Variants in CCNI observed in about 807,000 individuals in gnomAD.
CCNI encodes the protein cyclin I.
A neutral mutation model predicts 34.1 loss-of-function variants in CCNI; 14 were observed. The observed-to-expected ratio is 0.41, with a 90% CI of 0.27 to 0.64. The LOEUF (loss-of-function observed/expected upper bound fraction) is 0.64, where lower values mean the gene tolerates loss of function less well. Among genes scored for constraint, CCNI ranks in the 30% least tolerant of loss-of-function variants. The pLI is 0.31. For missense variants in CCNI, 385 were observed against 440.5 expected, an observed-to-expected ratio of 0.87 and a Z score of 1.13; for synonymous variants, 154 against 158.4, an observed-to-expected ratio of 0.97 and a Z score of 0.21.
chr4:77,051,029 C>G (rs563117836), intron 6 of CCNI, among the ~76,000 whole-genome samples: 1 of 152,158 alleles, frequency 6.6e-6, no homozygotes. Flanking sequence ...ATAACCCACT[C>G]GCATTGTCCT....
chr4:77,071,044 C>T (rs1244784939), intron 1 of CCNI, among the ~76,000 whole-genome samples: 1 of 152,154 alleles, frequency 6.6e-6, no homozygotes, highest in Non-Finnish European at 1.5e-5. Context: ...CAAGCTATCC[C>T]AACAACCGAC....
In CCNI at chr4:77,075,642, G is replaced by GGCGCGCGGGCGC. The variant is rs1178271616; in HGVS notation, c.-215_-214insGCGCCCGCGCGC. 3 of 873,898 alleles carry GGCGCGCGGGCGC rather than the reference G, an allele frequency of 3.4e-6. No homozygotes were observed. In the East Asian group the frequency reaches 3.8e-4, roughly 110 times the overall value. The allele number at this position is 873,898 out of a possible 1,614,324, so 54.1% of individuals were successfully genotyped here. On this transcript the variant is annotated 5_prime_UTR_variant, in exon 1 of 7. Transcript: ENST00000237654. ...GAGGGAGAAAGGGGAAGCGGATCGG[G>GGCGCGCGGGCGC]GGGCGCGGGCGCGGGCGCTGGCGCT...
At chr4:77,052,943 C>T (rs1457097704) in intron 6 of CCNI, among the ~76,000 whole-genome samples, 2 of 152,204 alleles carry the variant, frequency 1.3e-5, no homozygotes, top group African/African-American at 4.8e-5. Context: ...CTTTTCTTCA[C>T]TAACTTCCCC....
chr4:77,072,638 TAAAAAA>T (rs61247567), intron 1 of CCNI, among the ~76,000 whole-genome samples: 1 of 101,386 alleles, frequency 9.9e-6, no homozygotes, highest in Admixed American at 1.1e-4. Flanking sequence ...CCCAATCTCT[TAAAAAA>T]AAAAAAAAAA....
intron 6 of CCNI, 80 bp downstream of exon 6, chr4:77,055,070 G>A: frequency 3.5e-6 from 3 of 857,950 alleles, no homozygotes; most frequent in East Asian, 2.6e-5. Context: ...CATGAGAAAT[G>A]TCTTTTAGTT....
Position 77,063,436 on chromosome 4 carries a change from T to C in CCNI, c.114+2813A>G, listed in dbSNP as rs756534476. ...AGAAGGTGCTGGGTGCGGTGGCTCA[T>C]GCCTGTAATCCCAGCACTTTGGAAG... is the stretch of plus-strand genomic sequence containing the variant. On this transcript the variant is annotated intron_variant, in intron 2 of 6. Transcript: ENST00000237654. 1.8e-4 allele frequency among the ~76,000 whole-genome samples: 27 copies of C among 149,872 alleles called. 1 individual carries two copies. Among genetic ancestry groups the C allele is most frequent in the Middle Eastern group, 3.5e-3 (1 of 282 alleles).
At position 77,075,613 on chromosome 4, in the gene CCNI, T is replaced by C; in HGVS notation, c.-185A>G. The C allele has an allele frequency of 1.0e-6, 1 of 976,966 alleles. No homozygotes were observed. 60.5% of individuals were successfully genotyped at this position (976,966 alleles called of 1,614,324 possible). A position where few individuals can be genotyped will look rare whatever the true frequency, so the allele number is the denominator to read the frequency against. ...GTGCGCGCGGGACGACTCGGCCAAC[T>C]GAGGAGGGAGAAAGGGGAAGCGGAT... On this transcript the variant is annotated 5_prime_UTR_variant, in exon 1 of 7. Coordinates refer to ENST00000237654, the MANE Select transcript of CCNI (RefSeq NM_006835.3).
chr4:77,072,208 T>G (rs1729516363), intron 1 of CCNI, among the ~76,000 whole-genome samples: 1 of 152,118 alleles, frequency 6.6e-6, no homozygotes, highest in East Asian at 1.9e-4. Context: ...GTTTTAAGAT[T>G]CAGAAATCAA....
chr4:77,053,119 G>GA (rs1293827126), intron 6 of CCNI, among the ~76,000 whole-genome samples: 4 of 152,154 alleles, frequency 2.6e-5, no homozygotes, highest in Non-Finnish European at 5.9e-5. Context: ...GTTGAGTGGA[G>GA]ATCTGCCCTT....
chr4:77,066,224 T>A (rs750685496), intron 2 of CCNI, 25 bp downstream of exon 2: 2 of 1,594,816 alleles, frequency 1.3e-6, no homozygotes, highest in Non-Finnish European at 1.7e-6. Flanking sequence ...ATAAAATTCA[T>A]CTGTCTTAAG....
At chr4:77,059,323 CTT>C (rs1245755932) in intron 2 of CCNI, among the ~76,000 whole-genome samples, 1 of 151,392 alleles carries the variant, frequency 6.6e-6, no homozygotes, top group Non-Finnish European at 1.5e-5. Flanking sequence ...AACTTTTACT[CTT>C]GAGTTTTGGA....
In CCNI at chr4:77,048,672, G is replaced by GAAA; in HGVS notation, c.691-13_691-11dup. Reference sequence around the variant, plus strand: ...ACTGGGAGCTATCCATCTGGGCCAGGAAAAAAAAAAAGCCACACACAGTTG... The same window carrying GAAA: ...ACTGGGAGCTATCCATCTGGGCCAGGAAAAAAAAAAAAAAGCCACACACAGTTG... On this transcript the variant is annotated splice_polypyrimidine_tract_variant and intron_variant, in intron 6 of 6. Coordinates refer to ENST00000237654, the MANE Select transcript of CCNI (RefSeq NM_006835.3). The GAAA allele has an allele frequency of 3.3e-6, 4 of 1,215,120 alleles. No homozygotes were observed. The highest frequency in any genetic ancestry group is 3.1e-5 in the African/African-American group (2 of 64,302). 75.3% of individuals were successfully genotyped at this position (1,215,120 alleles called of 1,614,324 possible).
chr4:77,066,253 T>C lies in CCNI; in HGVS notation c.110A>G (p.Asn37Ser). The stretch of plus-strand genomic sequence containing the variant: ...TCTTAAGAGAAAAATCATTACCTGA[T>C]TTGAAGGCATTTTCCGCACATTCAC... ...WKVNVRKMPS[N>S]QNVSPSQRDE... is the part of the protein sequence containing the mutation. Residue 37 changes from asparagine to serine, a missense_variant, in exon 2 of 7, where the codon AAT becomes AGT. Around this residue, in one of 2 missense-constraint regions of CCNI, gnomAD observed 135 missense variants for 191.8 expected, o/e 0.70. Transcript: ENST00000237654. 1.9e-6 allele frequency: 3 copies of C among 1,613,716 alleles called. No individual in the cohort carries two copies. The highest frequency in any genetic ancestry group is 2.5e-6 in the Non-Finnish European group (3 of 1,179,656).
rs747330584 is a variant in CCNI at position 77,056,901 on chromosome 4, CTG to C, written c.244-580_244-579del. Among the ~76,000 whole-genome samples, 145 of 152,206 alleles carry C rather than the reference CTG, an allele frequency of 9.5e-4. 1 individual carries two copies. The highest frequency in any genetic ancestry group is 2.0e-3 in the Non-Finnish European group (136 of 68,002). The stretch of plus-strand genomic sequence containing the variant: ...CCACCGTGCCCGGCCTGAGAGCTAA[CTG>C]TTAGCATTACAATCCTAGCCATATG... On this transcript the variant is annotated intron_variant, in intron 3 of 6. Coordinates refer to ENST00000237654, the MANE Select transcript of CCNI (RefSeq NM_006835.3).
intron 1 of CCNI, among the ~76,000 whole-genome samples, chr4:77,074,130 ACACT>A (rs1729712496): frequency 6.6e-6 from 1 of 152,236 alleles, no homozygotes. Flanking sequence ...AAACACGGAC[ACACT>A]CAGCTTCCAA....
chr4:77,048,416 C>A lies in CCNI; in HGVS notation c.937G>T (p.Ala313Ser), dbSNP rs1727590260. Reference sequence around the variant, plus strand: ...GTAGAGGTCTGCTTGCACCCACTGGCAGCTGGGAGATGATGGTAAAAGGCT... The same window carrying A: ...GTAGAGGTCTGCTTGCACCCACTGGAAGCTGGGAGATGATGGTAAAAGGCT... ...TAAFYHHLPA[A>S]SGCKQTSTKR... The change falls in exon 7 of 7, where the codon GCC becomes TCC. Residue 313 changes from alanine (A) to serine (S), a missense_variant. Transcript: ENST00000237654. 6.2e-7 allele frequency: 1 copy of A among 1,614,108 alleles called. No homozygotes were observed. Among genetic ancestry groups the A allele is most frequent in the African/African-American group, 1.3e-5 (1 of 75,004 alleles).
At chr4:77,074,691 C>G (rs1021219451) in intron 1 of CCNI, 3 of 152,192 alleles carry the variant, frequency 2.0e-5, no homozygotes, top group Non-Finnish European at 4.4e-5. Flanking sequence ...AACGTCATTA[C>G]TGTAATGCTC....
intron 6 of CCNI, among the ~76,000 whole-genome samples, chr4:77,053,974 A>G (rs1193033010): frequency 4.6e-5 from 7 of 152,176 alleles, no homozygotes; most frequent in African/African-American, 1.4e-4. Flanking sequence ...AAAACAGCCC[A>G]TGTTACACTA....
chr4:77,051,541 G>C (rs1727838427), intron 6 of CCNI, among the ~76,000 whole-genome samples: 2 of 152,130 alleles, frequency 1.3e-5, no homozygotes, highest in African/African-American at 2.4e-5. Flanking sequence ...CCATCCATAT[G>C]AACTCCACTT....
Sources: allele counts gnomAD v4.1 joint callset (sites outside exome capture counted in the v4.1 genomes callset), GRCh38; gene constraint gnomAD v4.1.1; regional missense constraint gnomAD v4.1.1; transcripts MANE v1.5; gene names NCBI Gene and HGNC (gene_info 2026-07-23, HGNC 2026-07-21).